C6orf52: variants seen among roughly 807,000 people sequenced by gnomAD.
The protein encoded by C6orf52 is chromosome 6 open reading frame 52, also known as putative uncharacterized protein C6orf52.
Under a neutral mutation model 16.6 loss-of-function variants are expected in C6orf52, and 16 were observed. That is an observed-to-expected ratio of 0.96 (90% confidence interval 0.65 to 1.46). The LOEUF is 1.46. Among genes scored for constraint, C6orf52 ranks in the 40% most tolerant of loss-of-function variants. The pLI is 0.00. For synonymous variants in C6orf52, 53 were observed against 61.4 expected, an observed-to-expected ratio of 0.86 and a Z score of 0.64; for missense variants, 166 against 182.3, an observed-to-expected ratio of 0.91 and a Z score of 0.52.
upstream of C6orf52, chr6:10,694,803 G>A (rs190046540): frequency 1.2e-3 from 684 of 554,446 alleles, 2 homozygotes; most frequent in Non-Finnish European, 1.6e-3. Flanking sequence ...AAATCCATGT[G>A]ACCTCCCCGC....
At position 10,686,989 on chromosome 6, in the gene C6orf52, C is replaced by T. The variant is rs1768913559; in HGVS notation, c.247G>A (p.Ala83Thr). ...ACCTTAGGCATAACCAGAGTTCCAG[C>T]TGTGTGTTCAGGGGTCTCATGCGCA... ...FSAHETPEHT[A>T]GTLVMPKETT... The change falls in exon 3 of 5, where the codon GCT becomes ACT. Residue 83 changes from alanine to threonine, a missense_variant. Transcript: ENST00000259983. 1 of 1,549,644 alleles carries T rather than the reference C, an allele frequency of 6.5e-7. No individual in the cohort carries two copies. Among genetic ancestry groups the T allele is most frequent in the Non-Finnish European group, 8.7e-7 (1 of 1,146,144 alleles).
intron 1 of C6orf52, among the ~76,000 whole-genome samples, chr6:10,691,716 A>G (rs945270074): frequency 1.3e-5 from 2 of 152,114 alleles, no homozygotes; most frequent in Admixed American, 1.3e-4. Flanking sequence ...ATATAATTTC[A>G]TGGGATTCAA....
At position 10,671,525 on chromosome 6, in the gene C6orf52, GGA is replaced by G. The variant is rs1350893088; in HGVS notation, c.388_389del (p.Ser130ProfsTer19). On this transcript the variant is annotated frameshift_variant, in exon 5 of 5. Coordinates refer to ENST00000259983, the MANE Select transcript of C6orf52 (RefSeq NM_001145020.3). LOFTEE classifies it high-confidence loss of function. Reference sequence around the variant, plus strand: ...GAGGCTGCCAGTGGCAATTCATGAGGGAGTCGTAGAGTTCTTCACTTTTCACC... The same window carrying G: ...GAGGCTGCCAGTGGCAATTCATGAGGGTCGTAGAGTTCTTCACTTTTCACC... ...FMVKSEELYD[S>X]LMNCHWQPLD... The G allele has an allele frequency of 6.5e-7, 1 of 1,549,574 alleles. No individual in the cohort carries two copies. The highest frequency in any genetic ancestry group is 8.7e-7 in the Non-Finnish European group (1 of 1,145,536).
Position 10,671,671 on chromosome 6 carries a change from GA to G in C6orf52, c.317-74del. 3 of 1,053,512 alleles carry G rather than the reference GA, an allele frequency of 2.8e-6. No individual in the cohort carries two copies. The South Asian group carries it at 5.7e-5, about 20-fold the overall frequency. The allele number at this position is 1,053,512 out of a possible 1,614,324, so 65.3% of individuals were successfully genotyped here. ...ACATACTAGAAATAGTTTAAAATTA[GA>G]AAGCTTTTAGAAAGCATTTGCAGGA... is the stretch of plus-strand genomic sequence containing the variant. On this transcript the variant is annotated intron_variant, in intron 4 of 4. Coordinates refer to ENST00000259983, the MANE Select transcript of C6orf52 (RefSeq NM_001145020.3).
chr6:10,676,961 C>T (rs1055592507), intron 4 of C6orf52, among the ~76,000 whole-genome samples: 20 of 152,194 alleles, frequency 1.3e-4, no homozygotes, highest in African/African-American at 4.1e-4. Flanking sequence ...TCTCCCACTC[C>T]GTTGTCTGTC....
At chr6:10,684,640 G>T (rs1431365856) in intron 3 of C6orf52, among the ~76,000 whole-genome samples, 10 of 152,204 alleles carry the variant, frequency 6.6e-5, no homozygotes, top group Admixed American at 6.5e-4. Context: ...AATCATTTTG[G>T]AGACATCCAC....
At chr6:10,686,607 T>G (rs2127468967) in intron 3 of C6orf52, among the ~76,000 whole-genome samples, 1 of 152,312 alleles carries the variant, frequency 6.6e-6, no homozygotes, top group East Asian at 1.9e-4. Flanking sequence ...TTTATCGAAT[T>G]ATGATAATCT....
intron 3 of C6orf52, 78 bp downstream of exon 3, chr6:10,686,888 G>A: frequency 9.4e-7 from 1 of 1,064,884 alleles, no homozygotes; most frequent in Non-Finnish European, 1.3e-6. Flanking sequence ...ACAGGACACA[G>A]ATGTGTGAAG....
intron 4 of C6orf52, among the ~76,000 whole-genome samples, chr6:10,675,882 A>G (rs1273962405): frequency 6.6e-6 from 1 of 152,242 alleles, no homozygotes; most frequent in Non-Finnish European, 1.5e-5. Context: ...CTGTAATCCC[A>G]GCACTTTGGG....
intron 3 of C6orf52, among the ~76,000 whole-genome samples, chr6:10,685,366 GA>G (rs888800121): frequency 4.6e-5 from 7 of 151,512 alleles, no homozygotes; most frequent in Non-Finnish European, 8.8e-5. Context: ...CTAAAAGGGG[GA>G]AAAAATGACA....
rs75484532 is a variant in C6orf52, at chr6:10,694,564, C to T, written c.-82G>A. ...ACTCCTACCCTACTAGTACACAGCC[C>T]ACAACAATGCACGCTGCCGGCGCTA... On this transcript the variant is annotated 5_prime_UTR_variant, in exon 1 of 5. Coordinates refer to ENST00000259983, the MANE Select transcript of C6orf52 (RefSeq NM_001145020.3). 2,984 of 183,092 alleles carry T rather than the reference C, an allele frequency of 0.016. 101 individuals are homozygous for T. Among genetic ancestry groups the T allele is most frequent in the African/African-American group, 0.067 (2,832 of 42,098 alleles). The allele number at this position is 183,092 out of a possible 1,614,324, so 11.3% of individuals were successfully genotyped here.
At chr6:10,677,679 G>C (rs1004923153) in intron 4 of C6orf52, among the ~76,000 whole-genome samples, 3 of 151,440 alleles carry the variant, frequency 2.0e-5, no homozygotes, top group African/African-American at 7.3e-5. Flanking sequence ...CTACAGGCAC[G>C]CATGCCACTA....
chr6:10,694,281 G>GAAAAA (rs1769644187), intron 1 of C6orf52, among the ~76,000 whole-genome samples: 1 of 135,636 alleles, frequency 7.4e-6, no homozygotes, highest in Admixed American at 7.0e-5. Context: ...AAAAAAAAAT[G>GAAAAA]AAGGCTCACT....
chr6:10,682,344 G>A (rs1768470348), intron 4 of C6orf52, among the ~76,000 whole-genome samples: 2 of 152,172 alleles, frequency 1.3e-5, no homozygotes, highest in Non-Finnish European at 1.5e-5. Context: ...CTTTACTCAT[G>A]TTTAAATCAA....
At chr6:10,692,817 C>T (rs919362816) in intron 1 of C6orf52, among the ~76,000 whole-genome samples, 11 of 152,112 alleles carry the variant, frequency 7.2e-5, no homozygotes, top group Non-Finnish European at 1.3e-4. Context: ...AGCCACCGTG[C>T]CCAGCCAAGA....
At chr6:10,678,423 T>C (rs1768077053) in intron 4 of C6orf52, among the ~76,000 whole-genome samples, 1 of 152,178 alleles carries the variant, frequency 6.6e-6, no homozygotes. Context: ...TTTCTTGTTA[T>C]CTTTTTCAAA....
intron 3 of C6orf52, 102 bp from the exon 4 acceptor site, chr6:10,683,334 A>G (rs1768571227): frequency 1.5e-6 from 1 of 649,306 alleles, no homozygotes; most frequent in Non-Finnish European, 2.6e-6. Flanking sequence ...AAAACTACCT[A>G]AAATAAAAAT....
intron 4 of C6orf52, among the ~76,000 whole-genome samples, chr6:10,676,925 A>G (rs1181062481): frequency 6.6e-6 from 1 of 152,186 alleles, no homozygotes; most frequent in Non-Finnish European, 1.5e-5. Context: ...CCTCTTCATA[A>G]TCACTTGCAT....
intron 4 of C6orf52, 131 bp downstream of exon 4, chr6:10,683,056 G>A: frequency 1.8e-6 from 1 of 551,782 alleles, no homozygotes; most frequent in South Asian, 3.1e-5. Flanking sequence ...AGAAATTACT[G>A]AAGCATATGG....
Sources: allele counts gnomAD v4.1 joint callset (sites outside exome capture counted in the v4.1 genomes callset), GRCh38; gene constraint gnomAD v4.1.1; transcripts MANE v1.5; gene names NCBI Gene and HGNC (gene_info 2026-07-23, HGNC 2026-07-21).